The following TUSC3 variants were observed in gnomAD, a reference collection of about 807,000 sequenced individuals.
TUSC3 encodes tumor suppressor candidate 3.
TUSC3 carries 45 observed loss-of-function variants against 44.8 expected under a neutral mutation model. The observed-to-expected ratio is 1.00, with a 90% CI of 0.79 to 1.29. The LOEUF is 1.29. Ranked by LOEUF, TUSC3 falls within the 50% of genes most tolerant of loss-of-function variation. The pLI, the probability that TUSC3 is intolerant of heterozygous loss-of-function variation, is 0.00. For missense variants in TUSC3, 519 were observed against 437.9 expected (o/e 1.19, Z -1.65); for synonymous variants, 212 against 152.9 (o/e 1.39, Z -2.85).
chr8:15,816,680 G>C, the TUSC3 span, among the ~76,000 whole-genome samples: 2 of 152,060 alleles, frequency 1.3e-5, no homozygotes, highest in African/African-American at 4.8e-5. Context: ...TTTGTTTTTA[G>C]TACCTAGAAC....
At chr8:15,731,928 G>A (rs1410081377) in intron 7 of TUSC3, among the ~76,000 whole-genome samples, 2 of 152,072 alleles carry the variant, frequency 1.3e-5, no homozygotes, top group African/African-American at 2.4e-5. Flanking sequence ...TAGTGATTAC[G>A]GTATGGTGGG....
intron 1 of TUSC3, among the ~76,000 whole-genome samples, chr8:15,463,026 C>T (rs1585054448): frequency 6.6e-6 from 1 of 151,908 alleles, no homozygotes; most frequent in African/African-American, 2.4e-5. Flanking sequence ...TCTGTTTCTC[C>T]TCCTCCTCAT....
chr8:15,647,395 T>C (rs536215806), intron 2 of TUSC3, among the ~76,000 whole-genome samples: 1 of 152,212 alleles, frequency 6.6e-6, no homozygotes, highest in Non-Finnish European at 1.5e-5. Context: ...TGTTCATTTT[T>C]TTGTTTTTAT....
rs77681920 is a variant in TUSC3 at position 15,646,675 on chromosome 8, A to G, written c.309-4022A>G. Among the ~76,000 whole-genome samples, 724 of 152,238 alleles carry G rather than the reference A, an allele frequency of 4.8e-3. 22 individuals carry two copies. The East Asian group carries it at 0.071, about 15-fold the overall frequency. ...AAACAATGTTATGTGCTTCTTGTTT[A>G]TAAAAAAGAACTGCAGAAGAGGCCC... On this transcript the variant is annotated intron_variant, in intron 2 of 10. Transcript: ENST00000503731.
chr8:15,749,755 C>A (rs1447010124), intron 9 of TUSC3, among the ~76,000 whole-genome samples: 1 of 147,998 alleles, frequency 6.8e-6, no homozygotes, highest in African/African-American at 2.5e-5. Flanking sequence ...TTCTTTTGCC[C>A]TGCTCTAGGA....
chr8:15,641,916 G>T (rs1047477593), intron 2 of TUSC3, among the ~76,000 whole-genome samples: 1 of 152,218 alleles, frequency 6.6e-6, no homozygotes, highest in East Asian at 1.9e-4. Flanking sequence ...ACTTTTGGAA[G>T]TGATGGAAAT....
intron 2 of TUSC3, among the ~76,000 whole-genome samples, chr8:15,632,779 T>C (rs1010700197): frequency 6.6e-6 from 1 of 152,214 alleles, no homozygotes; most frequent in Admixed American, 6.5e-5. Flanking sequence ...CAAAGATTCT[T>C]TTCATTCCCT....
chr8:15,517,966 C>A (rs1472093254), intron 2 of TUSC3, among the ~76,000 whole-genome samples: 1 of 144,872 alleles, frequency 6.9e-6, no homozygotes, highest in Non-Finnish European at 1.5e-5. Flanking sequence ...AACATCCTTA[C>A]AACCCTCAAG....
rs541930462 is a variant in TUSC3, at chr8:15,541,909, A to G, written c.138+1341A>G. On this transcript the variant is annotated intron_variant, in intron 1 of 10. Transcript: ENST00000503731. ...GATGAAGAACTCCATGGAAATTGTG[A>G]TGTTTTATCTCCTAGGACGATCCCT... Among the ~76,000 whole-genome samples the G allele has an allele frequency of 2.6e-5, 4 of 151,596 alleles. No homozygotes were observed. The South Asian group carries it at 6.2e-4, about 24-fold the overall frequency.
the TUSC3 span, chr8:15,806,532 A>G: frequency 7.3e-7 from 1 of 1,378,026 alleles, no homozygotes; most frequent in Non-Finnish European, 1.0e-6. Context: ...TCAAGCCTGG[A>G]TCTTACAAAA....
intron 1 of TUSC3, among the ~76,000 whole-genome samples, chr8:15,591,707 C>G (rs1184308560): frequency 6.6e-6 from 1 of 152,106 alleles, no homozygotes; most frequent in Non-Finnish European, 1.5e-5. Flanking sequence ...ATCTTCTAGA[C>G]ACAAAAGTTC....
the TUSC3 span, among the ~76,000 whole-genome samples, chr8:15,836,081 T>G: frequency 6.6e-6 from 1 of 152,140 alleles, no homozygotes; most frequent in Non-Finnish European, 1.5e-5. Context: ...AAAGCTTTGT[T>G]TTCTTTCTGT....
chr8:15,737,118 G>C (rs1810970557), intron 7 of TUSC3, among the ~76,000 whole-genome samples: 1 of 152,016 alleles, frequency 6.6e-6, no homozygotes, highest in South Asian at 2.1e-4. Context: ...TCTGTTTCTA[G>C]TCTATTATAG....
rs570021204 is a variant in TUSC3, at chr8:15,530,100, A to G, written n.189+46617A>G. 5.7e-4 allele frequency among the ~76,000 whole-genome samples: 87 copies of G among 151,632 alleles called. 2 individuals are homozygous for G. In the South Asian group the frequency reaches 7.7e-3, roughly 13 times the overall value. ...GCGCCCGGCCGAAAAAGTTTTTTAC[A>G]CTCCTGTATTACATCATATACAGTA... On this transcript the variant is annotated intron_variant and non_coding_transcript_variant, in intron 2 of 5. Coordinates refer to the TUSC3 transcript ENST00000503191.
chr8:15,659,330 GT>G (rs1807316068), intron 3 of TUSC3, among the ~76,000 whole-genome samples, 176 bp from the exon 4 acceptor site: 1 of 152,054 alleles, frequency 6.6e-6, no homozygotes, highest in Non-Finnish European at 1.5e-5. Flanking sequence ...AGATTTACAT[GT>G]TCTTTTTCAT....
At chr8:15,622,785 C>A (rs959847792) in intron 1 of TUSC3, among the ~76,000 whole-genome samples, 19 of 151,440 alleles carry the variant, frequency 1.3e-4, no homozygotes, top group African/African-American at 4.4e-4. Flanking sequence ...CTTTGGATAG[C>A]AAGAGCTTAC....
At chr8:15,551,046 T>G (rs1457090431) in intron 1 of TUSC3, among the ~76,000 whole-genome samples, 1 of 151,808 alleles carries the variant, frequency 6.6e-6, no homozygotes, top group African/African-American at 2.4e-5. Flanking sequence ...AAACTCTGTG[T>G]TCTTGGGAAA....
chr8:15,805,049 C>T, the TUSC3 span, among the ~76,000 whole-genome samples: 14 of 152,000 alleles, frequency 9.2e-5, no homozygotes, highest in African/African-American at 2.9e-4. Context: ...TTCACTTCCT[C>T]GGTTAGATGT....
intron 6 of TUSC3, among the ~76,000 whole-genome samples, chr8:15,725,872 A>G (rs1202039478): frequency 2.0e-5 from 3 of 152,138 alleles, no homozygotes; most frequent in African/African-American, 4.8e-5. Context: ...TCAGTTTCCA[A>G]TTTGCAGATT....
Sources: gnomAD v4.1 joint callset for allele counts (sites outside exome capture counted in the v4.1 genomes callset) on GRCh38, gnomAD v4.1.1 for gene constraint, MANE v1.5 for transcripts, NCBI Gene and HGNC (gene_info 2026-07-23, HGNC 2026-07-21) for gene names.